Variants in RAP1GDS1 observed in about 807,000 individuals in gnomAD.
RAP1GDS1 encodes the protein RAP1, GTP-GDP dissociation stimulator 1.
RAP1GDS1 carries 35 observed loss-of-function variants against 71.1 expected under a neutral mutation model. The ratio of observed to expected loss-of-function variants is 0.49; its 90% CI spans 0.38 to 0.65. RAP1GDS1 has a LOEUF of 0.65. Ranked by LOEUF, RAP1GDS1 falls within the 30% of genes least tolerant of loss-of-function variation. The pLI is 0.00. For synonymous variants in RAP1GDS1, 229 were observed against 243.1 expected, an observed-to-expected ratio of 0.94 and a Z score of 0.54; for missense variants, 663 against 706.1, an observed-to-expected ratio of 0.94 and a Z score of 0.69.
chr4:98,405,273 TA>T (rs1375057594), intron 7 of RAP1GDS1, among the ~76,000 whole-genome samples: 6 of 152,132 alleles, frequency 3.9e-5, no homozygotes, highest in African/African-American at 1.4e-4. Flanking sequence ...ATAGCAGATT[TA>T]AGAATGAAAT....
At chr4:98,330,361 G>A (rs563743606) in intron 2 of RAP1GDS1, among the ~76,000 whole-genome samples, 23 of 152,136 alleles carry the variant, frequency 1.5e-4, no homozygotes, top group African/African-American at 2.2e-4. Flanking sequence ...GGTGGCGGCC[G>A]GGCAGAGGGG....
chr4:98,364,886 T>G (rs745928538), intron 4 of RAP1GDS1, among the ~76,000 whole-genome samples: 3 of 151,798 alleles, frequency 2.0e-5, no homozygotes, highest in Non-Finnish European at 2.9e-5. Flanking sequence ...AGAATTAGCC[T>G]GGCGTGGTGG....
intron 6 of RAP1GDS1, among the ~76,000 whole-genome samples, 188 bp from the exon 7 acceptor site, chr4:98,404,289 T>G (rs1215035634): frequency 6.6e-6 from 1 of 152,172 alleles, no homozygotes; most frequent in Non-Finnish European, 1.5e-5. Flanking sequence ...TATAATTGGG[T>G]CAGAACATTT....
At chr4:98,296,834 T>C in intron 2 of RAP1GDS1, 1 of 334,702 alleles carries the variant, frequency 3.0e-6, no homozygotes, top group Non-Finnish European at 5.8e-6. Context: ...AGAGAAACTA[T>C]TAGTTTAAAT....
At chr4:98,405,004 G>A (rs924329797) in intron 7 of RAP1GDS1, among the ~76,000 whole-genome samples, 14 of 152,090 alleles carry the variant, frequency 9.2e-5, no homozygotes, top group African/African-American at 1.7e-4. Context: ...GAGATGCATC[G>A]TAGAAATAAG....
Position 98,323,128 on chromosome 4 carries a change from A to G in RAP1GDS1, c.113-20011A>G, listed in dbSNP as rs1414190198. Among the ~76,000 whole-genome samples, 7 of 149,756 alleles carry G rather than the reference A, an allele frequency of 4.7e-5. No individual in the cohort carries two copies. The East Asian group carries it at 7.9e-4, about 17-fold the overall frequency. Reference sequence around the variant, plus strand: ...CCACAGAAATACAAACTACCATCAGAGAATACTACAAACACCTCTATGCAA... The same window carrying G: ...CCACAGAAATACAAACTACCATCAGGGAATACTACAAACACCTCTATGCAA... On this transcript the variant is annotated intron_variant, in intron 2 of 14. Coordinates refer to ENST00000408927, the MANE Select transcript of RAP1GDS1 (RefSeq NM_001100427.2).
chr4:98,284,092 T>G (rs1047348730), intron 1 of RAP1GDS1, among the ~76,000 whole-genome samples: 1 of 152,156 alleles, frequency 6.6e-6, no homozygotes, highest in African/African-American at 2.4e-5. Flanking sequence ...GCACTTATTC[T>G]GGGCAAGTTA....
chr4:98,380,460 T>C (rs1484425496), intron 5 of RAP1GDS1, among the ~76,000 whole-genome samples: 5 of 151,818 alleles, frequency 3.3e-5, no homozygotes, highest in Non-Finnish European at 7.4e-5. Context: ...AGAGTTTTTA[T>C]TGATCAAATG....
At chr4:98,278,000 A>G (rs1337424536) in intron 1 of RAP1GDS1, among the ~76,000 whole-genome samples, 1 of 152,114 alleles carries the variant, frequency 6.6e-6, no homozygotes, top group Non-Finnish European at 1.5e-5. Flanking sequence ...GCCAAGGCGG[A>G]TGTGTCACTT....
chr4:98,339,054 TG>T (rs1735122452), intron 2 of RAP1GDS1, among the ~76,000 whole-genome samples: 1 of 152,234 alleles, frequency 6.6e-6, no homozygotes, highest in East Asian at 1.9e-4. Flanking sequence ...TGACGATTTG[TG>T]TGAGTTGTGC....
chr4:98,347,002 C>T (rs1404972236), intron 3 of RAP1GDS1, among the ~76,000 whole-genome samples: 2 of 152,074 alleles, frequency 1.3e-5, no homozygotes, highest in Admixed American at 1.3e-4. Context: ...AGAGTTAATA[C>T]AGGGAAGTTA....
At chr4:98,417,674 A>G (rs1025346193) in intron 9 of RAP1GDS1, among the ~76,000 whole-genome samples, 176 bp downstream of exon 9, 3 of 152,220 alleles carry the variant, frequency 2.0e-5, no homozygotes, top group Non-Finnish European at 4.4e-5. Flanking sequence ...CAAATTACAT[A>G]TTTTATGCAA....
chr4:98,335,788 C>CTT (rs11416870), intron 2 of RAP1GDS1, among the ~76,000 whole-genome samples: 20,039 of 141,570 alleles, frequency 0.14, 1,916 homozygotes, highest in African/African-American at 0.27. Context: ...GACTTCTTAC[C>CTT]TTTTTTTTTT....
At chr4:98,437,698 C>G (rs1193141636) in intron 14 of RAP1GDS1, among the ~76,000 whole-genome samples, 3 of 150,560 alleles carry the variant, frequency 2.0e-5, no homozygotes, top group Non-Finnish European at 2.9e-5. Context: ...AAGGCTGAGG[C>G]AAGACAATCG....
At chr4:98,407,762 A>G (rs909663717) in intron 7 of RAP1GDS1, among the ~76,000 whole-genome samples, 24 of 152,176 alleles carry the variant, frequency 1.6e-4, no homozygotes, top group African/African-American at 5.1e-4. Context: ...CTAAAATCCT[A>G]GACTTTGCCA....
chr4:98,415,826 G>A (rs960318876), intron 7 of RAP1GDS1, among the ~76,000 whole-genome samples: 14 of 152,058 alleles, frequency 9.2e-5, no homozygotes, highest in African/African-American at 3.1e-4. Context: ...TTCAGAAATA[G>A]CATTTAGTAA....
At chr4:98,432,896 AT>A (rs199546539) in intron 12 of RAP1GDS1, among the ~76,000 whole-genome samples, 20 of 149,836 alleles carry the variant, frequency 1.3e-4, no homozygotes, top group South Asian at 1.1e-3. Context: ...AAAGGTGAAC[AT>A]TTTTTTTTTC....
At chr4:98,311,713 G>A (rs542910204) in intron 2 of RAP1GDS1, among the ~76,000 whole-genome samples, 3 of 152,114 alleles carry the variant, frequency 2.0e-5, no homozygotes, top group Admixed American at 6.6e-5. Context: ...CCATGCTCAC[G>A]GCAGCGTTGA....
intron 2 of RAP1GDS1, among the ~76,000 whole-genome samples, chr4:98,331,461 G>A (rs1003398614): frequency 1.3e-5 from 2 of 152,026 alleles, no homozygotes; most frequent in African/African-American, 2.4e-5. Context: ...GAGTGGCTAT[G>A]GTTAAAAATC....
Sources: gnomAD v4.1 joint callset for allele counts (sites outside exome capture counted in the v4.1 genomes callset) on GRCh38, gnomAD v4.1.1 for gene constraint, MANE v1.5 for transcripts, NCBI Gene and HGNC (gene_info 2026-07-23, HGNC 2026-07-21) for gene names.